Variants in MGAM observed in about 807,000 individuals in gnomAD.
The protein encoded by MGAM is maltase-glucoamylase.
MGAM carries 253 observed loss-of-function variants against 358.8 expected under a neutral mutation model. That is an observed-to-expected ratio of 0.71 (90% confidence interval 0.64 to 0.78). The LOEUF (loss-of-function observed/expected upper bound fraction) is 0.78. Ranked by LOEUF, MGAM falls within the 30% of genes least tolerant of loss-of-function variation. The pLI is 0.00. For missense variants in MGAM, 3,080 were observed against 3,432.6 expected (o/e 0.90, Z 2.57); for synonymous variants, 1,105 against 1,227.1 (o/e 0.90, Z 2.08).
rs200663999 is a variant in MGAM, at chr7:142,065,408, G to C, written c.4558G>C (p.Ala1520Pro). Residue 1520 changes from alanine to proline, a missense_variant, in exon 38 of 71, where the codon GCA (alanine) becomes CCA (proline). Ala to Pro is a conservative substitution (Grantham distance 27). Transcript: ENST00000475668. ...RSTFPSSGRWAGHWLGDNTAA... is the reference protein window; with the variant it reads ...RSTFPSSGRWPGHWLGDNTAA... ...CACATTTCCCTCTTCTGGCCGCTGGGCAGGACATTGGCTGGGAGACAACAC... is the reference window on the plus strand; with the variant it reads ...CACATTTCCCTCTTCTGGCCGCTGGCCAGGACATTGGCTGGGAGACAACAC... 15 of 1,610,438 alleles carry C rather than the reference G, an allele frequency of 9.3e-6. No individual in the cohort carries two copies. Among genetic ancestry groups the C allele is most frequent in the Middle Eastern group, 1.6e-4 (1 of 6,082 alleles).
intron 3 of MGAM, among the ~76,000 whole-genome samples, chr7:142,016,502 T>A (rs1554456221): frequency 6.6e-6 from 1 of 152,230 alleles, no homozygotes; most frequent in Non-Finnish European, 1.5e-5. Flanking sequence ...CTGTAATATC[T>A]TGAAACTTTA....
rs1010700326 is a variant in MGAM, at chr7:142,080,521, C to T, written c.5848-270C>T. On this transcript the variant is annotated intron_variant, in intron 49 of 70. Coordinates refer to ENST00000475668, the MANE Select transcript of MGAM (RefSeq NM_001365693.1). The stretch of plus-strand genomic sequence containing the variant: ...ATAACAAGTAACATATTCATAAATA[C>T]CACGCTGATTCCAGAATGATTTTCT... 2.0e-4 allele frequency among the ~76,000 whole-genome samples: 29 copies of T among 146,076 alleles called. 2 individuals carry two copies. Among genetic ancestry groups the T allele is most frequent in the Admixed American group, 1.7e-3 (25 of 14,512 alleles).
chr7:142,040,543 C>A, intron 20 of MGAM, 179 bp from the exon 21 acceptor site: 1 of 786,642 alleles, frequency 1.3e-6, no homozygotes, highest in Non-Finnish European at 2.0e-6. Context: ...CACAAACCCC[C>A]AACTGGTAGC....
intron 41 of MGAM, 100 bp from the exon 42 acceptor site, chr7:142,067,241 A>T: frequency 9.8e-7 from 1 of 1,022,024 alleles, no homozygotes; most frequent in Non-Finnish European, 1.5e-6. Flanking sequence ...GCTCAGGGGC[A>T]GCTGTATTTC....
intron 60 of MGAM, among the ~76,000 whole-genome samples, chr7:142,093,830 G>T (rs1815633824): frequency 6.8e-6 from 1 of 146,076 alleles, no homozygotes; most frequent in East Asian, 2.0e-4. Context: ...TGATCACAGA[G>T]GGCAGCCGGT....
upstream of MGAM, among the ~76,000 whole-genome samples, chr7:141,992,784 T>C (rs1804003381): frequency 6.6e-6 from 1 of 152,140 alleles, no homozygotes; most frequent in African/African-American, 2.4e-5. Context: ...GTTCTCCTTA[T>C]GTTGCCCAGG....
chr7:142,025,030 T>G lies in MGAM; in HGVS notation c.883-20T>G. The G allele has an allele frequency of 1.2e-6, 2 of 1,606,300 alleles. No homozygotes were observed. Among genetic ancestry groups the G allele is most frequent in the Non-Finnish European group, 1.7e-6 (2 of 1,173,670 alleles). On this transcript the variant is annotated intron_variant, in intron 7 of 70. Transcript: ENST00000475668. ...AGACTTCTTAGTTGTAAATTTTGGTTTTTAATTCTCTTTCTGCAGAACGGA... is the reference window on the plus strand; with the variant it reads ...AGACTTCTTAGTTGTAAATTTTGGTGTTTAATTCTCTTTCTGCAGAACGGA...
At chr7:141,988,295 T>TA (rs1220284036) in intron 2 of MGAM, among the ~76,000 whole-genome samples, 15 of 150,532 alleles carry the variant, frequency 1.0e-4, no homozygotes, top group South Asian at 6.4e-4. Flanking sequence ...GACTCTGTCT[T>TA]AAAAAAAAAC....
intron 33 of MGAM, among the ~76,000 whole-genome samples, 167 bp from the exon 34 acceptor site, chr7:142,060,144 A>C (rs1196005675): frequency 1.5e-4 from 23 of 152,248 alleles, no homozygotes; most frequent in African/African-American, 5.3e-4. Context: ...AACGACTTTT[A>C]AGGTAATGTA....
intron 3 of MGAM, among the ~76,000 whole-genome samples, chr7:142,018,657 C>T (rs1759122726): frequency 6.6e-6 from 1 of 152,162 alleles, no homozygotes; most frequent in Non-Finnish European, 1.5e-5. Flanking sequence ...AAGTAAGAAT[C>T]TATTTGGGTG....
At chr7:142,101,751 C>CA (rs975843879) in intron 68 of MGAM, among the ~76,000 whole-genome samples, 1 of 151,390 alleles carries the variant, frequency 6.6e-6, no homozygotes, top group Non-Finnish European at 1.5e-5. Context: ...ACTAAAAATA[C>CA]AAAAAAATTA....
At chr7:141,989,565 C>G (rs1237238109) in intron 2 of MGAM, among the ~76,000 whole-genome samples, 1 of 127,396 alleles carries the variant, frequency 7.8e-6, no homozygotes, top group Non-Finnish European at 1.7e-5. Flanking sequence ...TTTTTTTTTT[C>G]GATTATTAGA....
intron 50 of MGAM, 141 bp downstream of exon 50, chr7:142,081,086 A>G (rs6972071): frequency 0.093 from 80,273 of 867,146 alleles, 14,499 homozygotes; most frequent in African/African-American, 0.52. Flanking sequence ...CTTCAGACCT[A>G]TTCTTACAGG....
rs1298337487 is a variant in MGAM at position 142,080,477 on chromosome 7, T to A, written c.5848-314T>A. ...GAAAAGTTTTAAGGTATTTATATAT[T>A]CTCATATACCCACAGAAAATAACAA... On this transcript the variant is annotated intron_variant, in intron 49 of 70. Transcript: ENST00000475668. Among the ~76,000 whole-genome samples, 4 of 146,250 alleles carry A rather than the reference T, an allele frequency of 2.7e-5. 1 individual carries two copies. The highest frequency in any genetic ancestry group is 6.2e-5 in the Non-Finnish European group (4 of 64,688).
In MGAM at chr7:142,065,891, T is replaced by A. The variant is rs1340713070; in HGVS notation, c.4770+60T>A. On this transcript the variant is annotated intron_variant, in intron 40 of 70. Transcript: ENST00000475668. The stretch of plus-strand genomic sequence containing the variant: ...TCACTTGAAAGACAGTCTCCATTTC[T>A]GTGCTAAAAGTAATGCAGTCTCTAT... The A allele has an allele frequency of 2.1e-5, 28 of 1,315,508 alleles. 3 individuals are homozygous for A. In the Admixed American group the frequency reaches 5.7e-4, roughly 27 times the overall value. The allele number at this position is 1,315,508 out of a possible 1,614,324, so 81.5% of individuals were successfully genotyped here.
chr7:142,045,171 A>T (rs1237419964), intron 21 of MGAM, among the ~76,000 whole-genome samples: 1 of 65,038 alleles, frequency 1.5e-5, no homozygotes, highest in Non-Finnish European at 2.9e-5. Context: ...TAATATATAT[A>T]TTATATAACA....
rs1807842726 is a variant in MGAM, at chr7:142,034,850, C to T, written c.1959+9C>T. ...TTTTTGGCATCCCAATGGTGAGCTG[C>T]TACCTCAAGCTCTCTTATGAACCTG... is the stretch of plus-strand genomic sequence containing the variant. On this transcript the variant is annotated intron_variant, in intron 16 of 70. Coordinates refer to ENST00000475668, the MANE Select transcript of MGAM (RefSeq NM_001365693.1). 1.9e-6 allele frequency: 3 copies of T among 1,606,480 alleles called. No individual in the cohort carries two copies. Among genetic ancestry groups the T allele is most frequent in the Non-Finnish European group, 2.6e-6 (3 of 1,175,222 alleles).
chr7:142,020,987 G>A lies in MGAM; in HGVS notation c.462G>A (p.Arg154=), dbSNP rs1806396840. 1 of 1,612,570 alleles carries A rather than the reference G, an allele frequency of 6.2e-7. No homozygotes were observed. The highest frequency in any genetic ancestry group is 1.7e-5 in the Admixed American group (1 of 59,840). Residue 154 remains arginine (R), a synonymous_variant, in exon 5 of 71, where the codon CGG becomes CGA. Transcript: ENST00000475668. The part of the protein sequence containing the change: ...LVNTNAGFTA[R]LKNLPSSPVF... The stretch of plus-strand genomic sequence containing the variant: ...CTCCTATGTTAGGATTCACAGCCCG[G>A]TTGAAAAATCTGCCTTCTTCACCAG...
chr7:141,998,477 A>G (rs57221411), intron 1 of MGAM, among the ~76,000 whole-genome samples: 1 of 152,078 alleles, frequency 6.6e-6, no homozygotes, highest in Admixed American at 6.6e-5. Flanking sequence ...TCATTGTTCA[A>G]CTTCCACTTA....
Sources: allele counts gnomAD v4.1 joint callset (sites outside exome capture counted in the v4.1 genomes callset), GRCh38; gene constraint gnomAD v4.1.1; transcripts MANE v1.5; gene names NCBI Gene and HGNC (gene_info 2026-07-23, HGNC 2026-07-21).